FGF14: variants seen among roughly 807,000 people sequenced by gnomAD.
FGF14 encodes the protein fibroblast growth factor 14.
In FGF14, 5 loss-of-function variants were observed where a neutral mutation model predicts 25.5. That is an observed-to-expected ratio of 0.20 (90% CI 0.10 to 0.41). The LOEUF is 0.41. Ranked by LOEUF, FGF14 falls within the 10% of genes least tolerant of loss-of-function variation. FGF14 has a pLI of 1.00. For missense variants in FGF14, 222 were observed against 320.1 expected (o/e 0.69, Z 2.34); for synonymous variants, 138 against 118.3 (o/e 1.17, Z -1.08).
intron 3 of FGF14, among the ~76,000 whole-genome samples, chr13:101,862,238 C>A (rs763776018): frequency 7.2e-5 from 11 of 152,038 alleles, no homozygotes; most frequent in Non-Finnish European, 1.5e-4. Flanking sequence ...CATTTCCTTC[C>A]TTTTTCATCC....
At chr13:102,139,956 A>G (rs1348185742) in intron 1 of FGF14, among the ~76,000 whole-genome samples, 2 of 151,674 alleles carry the variant, frequency 1.3e-5, no homozygotes, top group African/African-American at 4.8e-5. Flanking sequence ...AACACAGTGG[A>G]TTGAAAATAT....
intron 1 of FGF14, among the ~76,000 whole-genome samples, chr13:101,948,423 C>A (rs567708859): frequency 3.1e-4 from 47 of 151,200 alleles, no homozygotes; most frequent in Admixed American, 7.9e-4. Flanking sequence ...ATGTAACAAA[C>A]CTGCACGTTG....
At chr13:102,203,406 A>G (rs1163735868) in intron 1 of FGF14, among the ~76,000 whole-genome samples, 1 of 152,206 alleles carries the variant, frequency 6.6e-6, no homozygotes, top group African/African-American at 2.4e-5. Flanking sequence ...TAGCGCAACT[A>G]TAGAACTATT....
At chr13:102,017,422 TTTAAAGATA>T (rs1394776441) in intron 1 of FGF14, among the ~76,000 whole-genome samples, 1 of 152,200 alleles carries the variant, frequency 6.6e-6, no homozygotes, top group East Asian at 1.9e-4. Context: ...CCTGCAGAAC[TTTAAAGATA>T]TTGCTCCATT....
chr13:102,245,480 G>C (rs2051819814), intron 1 of FGF14, among the ~76,000 whole-genome samples: 1 of 151,978 alleles, frequency 6.6e-6, no homozygotes, highest in African/African-American at 2.4e-5. Context: ...ATATAGGAGA[G>C]ATTCAATAGA....
intron 1 of FGF14, among the ~76,000 whole-genome samples, chr13:102,227,823 A>G (rs1276248456): frequency 1.3e-5 from 2 of 152,152 alleles, no homozygotes; most frequent in Non-Finnish European, 2.9e-5. Flanking sequence ...TGTTCGCAGA[A>G]TAACAGGTGG....
intron 1 of FGF14, among the ~76,000 whole-genome samples, chr13:102,163,248 T>G (rs749507202): frequency 6.6e-6 from 1 of 152,188 alleles, no homozygotes; most frequent in African/African-American, 2.4e-5. Context: ...AGGGCTATCA[T>G]AGCCCTTGTG....
chr13:102,180,415 C>T (rs1293111123), intron 1 of FGF14, among the ~76,000 whole-genome samples: 1 of 152,002 alleles, frequency 6.6e-6, no homozygotes, highest in Non-Finnish European at 1.5e-5. Flanking sequence ...TGGGTTCAAG[C>T]GATTCTCCTC....
chr13:101,968,166 A>C (rs1240414285), intron 1 of FGF14, among the ~76,000 whole-genome samples: 3 of 152,232 alleles, frequency 2.0e-5, no homozygotes, highest in Non-Finnish European at 2.9e-5. Context: ...AGTTATAAGT[A>C]GATAAATCTT....
Position 101,810,743 on chromosome 13 carries a change from C to T in FGF14, c.408+57982G>A, listed in dbSNP as rs532807826. Among the ~76,000 whole-genome samples the T allele has an allele frequency of 2.7e-3, 410 of 152,290 alleles. 2 individuals are homozygous for T. Among genetic ancestry groups the T allele is most frequent in the Non-Finnish European group, 3.1e-3 (209 of 68,014 alleles). On this transcript the variant is annotated intron_variant, in intron 3 of 4. Transcript: ENST00000376143. ...TAGGCTGATTCACAATCCATTTCTA[C>T]AGACAGGAAGGCCTTTATTTAGTTT...
intron 1 of FGF14, among the ~76,000 whole-genome samples, chr13:102,298,900 G>A (rs2054876495): frequency 6.6e-6 from 1 of 152,178 alleles, no homozygotes; most frequent in Admixed American, 6.6e-5. Flanking sequence ...GAGCGAAGAT[G>A]AGAACTGAAT....
At chr13:101,770,733 A>G (rs1451618698) in intron 3 of FGF14, among the ~76,000 whole-genome samples, 1 of 151,936 alleles carries the variant, frequency 6.6e-6, no homozygotes, top group Non-Finnish European at 1.5e-5. Context: ...AAGATACTAA[A>G]CCTGATGCTT....
At chr13:101,914,097 AT>A (rs948864495) in intron 1 of FGF14, among the ~76,000 whole-genome samples, 2 of 152,068 alleles carry the variant, frequency 1.3e-5, no homozygotes, top group African/African-American at 4.8e-5. Flanking sequence ...AATAAATATG[AT>A]TTTTTAAAAT....
At chr13:101,910,226 T>C (rs2032769050) in intron 1 of FGF14, among the ~76,000 whole-genome samples, 1 of 152,028 alleles carries the variant, frequency 6.6e-6, no homozygotes, top group African/African-American at 2.4e-5. Context: ...ACATGTACCC[T>C]AAAACATAAA....
intron 1 of FGF14, among the ~76,000 whole-genome samples, chr13:101,999,332 A>G (rs1171655215): frequency 6.6e-6 from 1 of 152,216 alleles, no homozygotes; most frequent in East Asian, 1.9e-4. Flanking sequence ...GACTGGGTTA[A>G]AGACCAGAGG....
At chr13:101,832,109 G>T (rs79238461) in intron 3 of FGF14, among the ~76,000 whole-genome samples, 1 of 152,024 alleles carries the variant, frequency 6.6e-6, no homozygotes, top group Admixed American at 6.6e-5. Context: ...ATGTCTCCTC[G>T]TAAGAAAGGC....
intron 1 of FGF14, among the ~76,000 whole-genome samples, chr13:102,139,259 G>C (rs2046535510): frequency 6.6e-6 from 1 of 151,980 alleles, no homozygotes; most frequent in Admixed American, 6.6e-5. Context: ...CACTAGCCAG[G>C]CGTGGTAGCA....
intron 1 of FGF14, among the ~76,000 whole-genome samples, chr13:101,927,779 G>A (rs115284898): frequency 0.012 from 1,831 of 152,044 alleles, 40 homozygotes; most frequent in African/African-American, 0.041. Context: ...ACACACTCCT[G>A]GCTTTCCCAA....
At chr13:102,378,366 A>G (rs1173513016) in intron 1 of FGF14, among the ~76,000 whole-genome samples, 1 of 152,226 alleles carries the variant, frequency 6.6e-6, no homozygotes, top group Non-Finnish European at 1.5e-5. Context: ...TGCTCCAAAA[A>G]TATAAAGTCT....
Sources: gnomAD v4.1 joint callset for allele counts (sites outside exome capture counted in the v4.1 genomes callset) on GRCh38, gnomAD v4.1.1 for gene constraint, MANE v1.5 for transcripts, NCBI Gene and HGNC (gene_info 2026-07-23, HGNC 2026-07-21) for gene names.